PIK3CD: variants seen among roughly 807,000 people sequenced by gnomAD.
PIK3CD encodes the protein phosphatidylinositol-4,5-bisphosphate 3-kinase catalytic subunit delta.
Under a neutral mutation model 122.9 loss-of-function variants are expected in PIK3CD, and 20 were observed. The observed-to-expected ratio is 0.16, with a 90% CI of 0.11 to 0.24. The LOEUF is 0.24. PIK3CD is among the 10% of genes least tolerant of loss of function. PIK3CD has a pLI of 1.00. For missense variants in PIK3CD, 787 were observed against 1,406.3 expected (o/e 0.56, Z 7.04); for synonymous variants, 596 against 593.4 (o/e 1.00, Z -0.06).
the PIK3CD span, among the ~76,000 whole-genome samples, chr1:9,636,159 A>G: frequency 1.3e-5 from 2 of 152,124 alleles, no homozygotes; most frequent in East Asian, 1.9e-4. Context: ...CCATGTGTGT[A>G]TGTCACACAC....
At position 9,727,160 on chromosome 1, in the gene PIK3CD, C is replaced by A; in HGVS notation, c.*114C>A. ...ACTGCACCTAACGGGAAAGAACCGACATGGCTGCCTTTTGTTTACACTGGT... is the reference window on the plus strand; with the variant it reads ...ACTGCACCTAACGGGAAAGAACCGAAATGGCTGCCTTTTGTTTACACTGGT... On this transcript the variant is annotated 3_prime_UTR_variant, in exon 24 of 24. Coordinates refer to ENST00000377346, the MANE Select transcript of PIK3CD (RefSeq NM_005026.5). 1 of 1,193,902 alleles carries A rather than the reference C, an allele frequency of 8.4e-7. No individual in the cohort carries two copies. Among genetic ancestry groups the A allele is most frequent in the Non-Finnish European group, 1.2e-6 (1 of 815,280 alleles). The allele number at this position is 1,193,902 out of a possible 1,614,324, so 74.0% of individuals were successfully genotyped here. A position where few individuals can be genotyped will look rare whatever the true frequency, so the allele number is the denominator to read the frequency against.
chr1:9,640,055 T>C, the PIK3CD span, among the ~76,000 whole-genome samples: 1 of 149,674 alleles, frequency 6.7e-6, no homozygotes, highest in Non-Finnish European at 1.5e-5. Context: ...TTTCTTTCTT[T>C]CTTTCATTGC....
At chr1:9,636,545 G>A in the PIK3CD span, among the ~76,000 whole-genome samples, 6 of 152,128 alleles carry the variant, frequency 3.9e-5, no homozygotes, top group Non-Finnish European at 8.8e-5. Context: ...TGATGCTGTG[G>A]GTCTTCAGAA....
At chr1:9,659,351 A>G (rs1265958967) in intron 1 of PIK3CD, among the ~76,000 whole-genome samples, 1 of 152,206 alleles carries the variant, frequency 6.6e-6, no homozygotes, top group Non-Finnish European at 1.5e-5. Flanking sequence ...ATTAGTAGGC[A>G]TATGCTTTTT....
chr1:9,653,575 G>A (rs1469414622), intron 1 of PIK3CD: 2 of 356,746 alleles, frequency 5.6e-6, no homozygotes, highest in Non-Finnish European at 1.1e-5. Context: ...CACCCTCTAA[G>A]ATACCCTTGA....
At position 9,727,715 on chromosome 1, in the gene PIK3CD, G is replaced by A. The variant is rs1649892891; in HGVS notation, c.*669G>A. On this transcript the variant is annotated 3_prime_UTR_variant, in exon 24 of 24. Coordinates refer to ENST00000377346, the MANE Select transcript of PIK3CD (RefSeq NM_005026.5). ...GAATCTACGCTGGTCCTCAGGACGTGTTAAAGAGATCTGGGCCTCATGTAG... is the reference window on the plus strand; with the variant it reads ...GAATCTACGCTGGTCCTCAGGACGTATTAAAGAGATCTGGGCCTCATGTAG... 1 of 211,396 alleles carries A rather than the reference G, an allele frequency of 4.7e-6. No individual in the cohort carries two copies. The highest frequency in any genetic ancestry group is 2.3e-5 in the African/African-American group (1 of 43,894). 13.1% of individuals were successfully genotyped at this position (211,396 alleles called of 1,614,324 possible). A position where few individuals can be genotyped will look rare whatever the true frequency, so the allele number is the denominator to read the frequency against.
intron 23 of PIK3CD, 85 bp downstream of exon 23, chr1:9,725,021 C>T: frequency 2.7e-6 from 4 of 1,503,062 alleles, no homozygotes; most frequent in South Asian, 2.3e-5. Context: ...GCCCTGAATG[C>T]AGTAGGCCCC....
At chr1:9,694,560 T>C (rs1570266714) in intron 2 of PIK3CD, among the ~76,000 whole-genome samples, 2 of 152,108 alleles carry the variant, frequency 1.3e-5, no homozygotes, top group East Asian at 3.9e-4. Flanking sequence ...CTTATTGCTT[T>C]GTCATTTCAC....
At position 9,689,263 on chromosome 1, in the gene PIK3CD, G is replaced by A. The variant is rs1476012185; in HGVS notation, c.-137-2204G>A. On this transcript the variant is annotated intron_variant, in intron 1 of 23. Coordinates refer to ENST00000377346, the MANE Select transcript of PIK3CD (RefSeq NM_005026.5). The surrounding 1 kb of genome is among the most constrained non-coding windows in gnomAD (Gnocchi z 6.1). ...CGTGCGCGCGCCGTCGGGGTCCCGCGGCTGCTCTGGGGCTCAGGGTGCGAA... is the reference window on the plus strand; with the variant it reads ...CGTGCGCGCGCCGTCGGGGTCCCGCAGCTGCTCTGGGGCTCAGGGTGCGAA... Among the ~76,000 whole-genome samples, 2 of 152,208 alleles carry A rather than the reference G, an allele frequency of 1.3e-5. No homozygotes were observed. Among genetic ancestry groups the A allele is most frequent in the Non-Finnish European group, 2.9e-5 (2 of 68,032 alleles).
chr1:9,650,243 G>A (rs922513786), upstream of PIK3CD, among the ~76,000 whole-genome samples: 6 of 152,006 alleles, frequency 3.9e-5, no homozygotes, highest in Admixed American at 3.3e-4. Flanking sequence ...TGAACATGGC[G>A]AAACCCCACC....
At chr1:9,636,618 G>A in the PIK3CD span, among the ~76,000 whole-genome samples, 2 of 152,284 alleles carry the variant, frequency 1.3e-5, no homozygotes, top group South Asian at 2.1e-4. Context: ...TTCTCTGGAC[G>A]GTTCCAGCCA....
chr1:9,660,438 C>T (rs58380009), intron 1 of PIK3CD, among the ~76,000 whole-genome samples: 42,875 of 152,048 alleles, frequency 0.28, 6,660 homozygotes, highest in East Asian at 0.62. Context: ...CTTTTTTTCA[C>T]TTAACATTGG....
the PIK3CD span, among the ~76,000 whole-genome samples, chr1:9,638,030 C>T: frequency 6.6e-6 from 1 of 151,950 alleles, no homozygotes; most frequent in African/African-American, 2.4e-5. Context: ...TTGCTTGAAC[C>T]CGGGAGGTAG....
intron 1 of PIK3CD, among the ~76,000 whole-genome samples, chr1:9,678,040 A>G (rs1234288521): frequency 1.3e-5 from 2 of 151,364 alleles, no homozygotes; most frequent in Non-Finnish European, 2.9e-5. Context: ...GCTGCTTGGG[A>G]GGCTGAGGCA....
rs996057769 is a variant in PIK3CD, at chr1:9,719,274, C to A, written c.1242+359C>A. ...GGCGTAGTGGCTGGGTGCTGAGTCA[C>A]GGTCCCAGGATATGGCTCCCCTCGG... is the stretch of plus-strand genomic sequence containing the variant. On this transcript the variant is annotated intron_variant, in intron 9 of 23. Transcript: ENST00000377346. This position sits in a 1 kb window ranked among gnomAD's most constrained non-coding sequence, Gnocchi z 5.5. Among the ~76,000 whole-genome samples the A allele has an allele frequency of 6.6e-6, 1 of 152,196 alleles. No individual in the cohort carries two copies. Among genetic ancestry groups the A allele is most frequent in the African/African-American group, 2.4e-5 (1 of 41,452 alleles).
rs530012075 is a variant in PIK3CD, at chr1:9,691,218, A to C, written c.-137-249A>C. Among the ~76,000 whole-genome samples the C allele has an allele frequency of 2.0e-5, 3 of 152,356 alleles. No homozygotes were observed. In the East Asian group the frequency reaches 5.8e-4, roughly 29 times the overall value. ...AAAACGATCTGAGTCATCTGAGTGC[A>C]CATTCCTGCTCCAGGCACTGGAAAT... is the stretch of plus-strand genomic sequence containing the variant. On this transcript the variant is annotated intron_variant, in intron 1 of 23. Transcript: ENST00000377346.
the PIK3CD span, among the ~76,000 whole-genome samples, chr1:9,645,368 AGGGTCATGATAAGTCCCTAG>A: frequency 3.3e-5 from 5 of 152,038 alleles, no homozygotes; most frequent in African/African-American, 9.7e-5. Flanking sequence ...AGCAAAAGAG[AGGGTCATGATAAGTCCCTAG>A]GGTCACGGTT....
intron 1 of PIK3CD, among the ~76,000 whole-genome samples, chr1:9,659,282 A>T (rs1644945689): frequency 2.0e-5 from 3 of 152,290 alleles, no homozygotes; most frequent in Admixed American, 2.0e-4. Flanking sequence ...CCTATGCAAC[A>T]AACCTGCACG....
chr1:9,719,009 G>A lies in PIK3CD; in HGVS notation c.1242+94G>A, dbSNP rs1417127078. The A allele has an allele frequency of 5.9e-6, 7 of 1,190,240 alleles. No homozygotes were observed. Among genetic ancestry groups the A allele is most frequent in the South Asian group, 2.5e-5 (2 of 78,596 alleles). The allele number at this position is 1,190,240 out of a possible 1,614,324, so 73.7% of individuals were successfully genotyped here. A position where few individuals can be genotyped will look rare whatever the true frequency, so the allele number is the denominator to read the frequency against. On this transcript the variant is annotated intron_variant, in intron 9 of 23. Transcript: ENST00000377346. The surrounding 1 kb of genome is among the most constrained non-coding windows in gnomAD (Gnocchi z 5.5). ...TCACCACTCTCCTCCCGGCAAGCAC[G>A]CAGCCTGGGGATGGGGGTCCTGGGA...
Sources: allele counts gnomAD v4.1 joint callset (sites outside exome capture counted in the v4.1 genomes callset), GRCh38; gene constraint gnomAD v4.1.1; non-coding constraint Gnocchi (gnomAD v3.1); transcripts MANE v1.5; gene names NCBI Gene and HGNC (gene_info 2026-07-23, HGNC 2026-07-21).